The following SCMH1 variants were observed in gnomAD, a reference collection of about 807,000 sequenced individuals.
SCMH1 encodes the protein polycomb protein SCMH1.
SCMH1 carries 37 observed loss-of-function variants against 70.8 expected under a neutral mutation model. That is an observed-to-expected ratio of 0.52 (90% CI 0.40 to 0.69). SCMH1 has a LOEUF of 0.69. Among genes scored for constraint, SCMH1 ranks in the 30% least tolerant of loss-of-function variants. SCMH1 has a pLI of 0.00. For missense variants in SCMH1, 607 were observed against 827.3 expected (o/e 0.73, Z 3.27); for synonymous variants, 292 against 307.4 (o/e 0.95, Z 0.52).
chr1:41,083,163 T>C (rs1322627636), intron 8 of SCMH1, among the ~76,000 whole-genome samples: 2 of 152,090 alleles, frequency 1.3e-5, no homozygotes, highest in East Asian at 1.9e-4. Context: ...GGTATTTAAT[T>C]AGGAAAAGAG....
At chr1:41,146,480 C>A (rs1644582363) in intron 5 of SCMH1, among the ~76,000 whole-genome samples, 2 of 151,984 alleles carry the variant, frequency 1.3e-5, no homozygotes, top group Non-Finnish European at 2.9e-5. Flanking sequence ...TTCCAGTCCT[C>A]CAAGCTCCAT....
At chr1:41,222,292 G>A (rs1659451046) in intron 1 of SCMH1, among the ~76,000 whole-genome samples, 1 of 152,178 alleles carries the variant, frequency 6.6e-6, no homozygotes, top group Admixed American at 6.5e-5. Context: ...AAGTGACTTG[G>A]TGCTTTGCCA....
chr1:41,036,914 G>C (rs1263372839), intron 13 of SCMH1, among the ~76,000 whole-genome samples: 1 of 152,120 alleles, frequency 6.6e-6, no homozygotes, highest in Non-Finnish European at 1.5e-5. Flanking sequence ...TGAACACCAA[G>C]CTTGGGTTAG....
At chr1:41,139,073 C>A (rs533949094) in intron 6 of SCMH1, among the ~76,000 whole-genome samples, 1 of 152,224 alleles carries the variant, frequency 6.6e-6, no homozygotes, top group South Asian at 2.1e-4. Context: ...TTACCCCCTG[C>A]TGTCTTTTTT....
At chr1:41,158,985 G>A (rs1645798337) in intron 4 of SCMH1, among the ~76,000 whole-genome samples, 1 of 152,132 alleles carries the variant, frequency 6.6e-6, no homozygotes, top group Admixed American at 6.5e-5. Flanking sequence ...AATATGAAAT[G>A]AATTACGTGA....
At chr1:41,121,584 T>C (rs1282898155) in intron 6 of SCMH1, among the ~76,000 whole-genome samples, 1 of 152,180 alleles carries the variant, frequency 6.6e-6, no homozygotes, top group African/African-American at 2.4e-5. Context: ...AGCACCTCAG[T>C]GCTCAGTCAT....
intron 2 of SCMH1, among the ~76,000 whole-genome samples, chr1:41,176,847 C>T (rs1055316801): frequency 6.6e-6 from 1 of 152,212 alleles, no homozygotes; most frequent in African/African-American, 2.4e-5. Context: ...AAACAAAAGG[C>T]AGCAGAATCC....
At chr1:41,100,722 C>T (rs185059848) in intron 8 of SCMH1, among the ~76,000 whole-genome samples, 48 of 152,110 alleles carry the variant, frequency 3.2e-4, no homozygotes, top group Middle Eastern at 3.4e-3. Context: ...CCTGCCACCA[C>T]GCCCAGCTCA....
chr1:41,034,634 CT>C (rs1009720597), intron 13 of SCMH1, among the ~76,000 whole-genome samples: 1 of 152,066 alleles, frequency 6.6e-6, no homozygotes, highest in African/African-American at 2.4e-5. Context: ...GCCGAGGTGA[CT>C]TTTTTTCATT....
At chr1:41,230,523 T>C (rs1015345941) in intron 1 of SCMH1, among the ~76,000 whole-genome samples, 4 of 151,982 alleles carry the variant, frequency 2.6e-5, no homozygotes, top group African/African-American at 9.7e-5. Context: ...CTGGGTTCCA[T>C]AGCACACGCC....
intron 2 of SCMH1, 94 bp downstream of exon 2, chr1:41,186,027 G>A (rs1005735152): frequency 2.2e-6 from 3 of 1,366,084 alleles, no homozygotes; most frequent in African/African-American, 2.9e-5. Context: ...AGGATAACGA[G>A]TAGTCTAATT....
At chr1:41,100,643 G>A (rs1457466178) in intron 8 of SCMH1, among the ~76,000 whole-genome samples, 2 of 147,524 alleles carry the variant, frequency 1.4e-5, no homozygotes, top group Non-Finnish European at 3.0e-5. Context: ...TCGGCTCACT[G>A]CAACCTCTGC....
chr1:41,192,645 C>T (rs575175551), intron 1 of SCMH1, among the ~76,000 whole-genome samples: 1 of 152,062 alleles, frequency 6.6e-6, no homozygotes, highest in South Asian at 2.1e-4. Flanking sequence ...GCTGCAGGCC[C>T]GGAGTGTTTA....
intron 1 of SCMH1, among the ~76,000 whole-genome samples, chr1:41,211,680 G>A (rs770506202): frequency 9.9e-5 from 15 of 152,156 alleles, no homozygotes; most frequent in Non-Finnish European, 8.8e-5. Flanking sequence ...ATACCCAAAG[G>A]ATTATAAATC....
chr1:41,053,224 A>C (rs373520887), intron 10 of SCMH1, among the ~76,000 whole-genome samples: 29 of 152,126 alleles, frequency 1.9e-4, no homozygotes, highest in East Asian at 1.3e-3. Flanking sequence ...TAAAGGTAGA[A>C]ACTTTACCTC....
intron 1 of SCMH1, among the ~76,000 whole-genome samples, chr1:41,207,186 A>G (rs972989799): frequency 3.3e-5 from 5 of 152,208 alleles, no homozygotes; most frequent in Non-Finnish European, 7.3e-5. Flanking sequence ...TTCACACATA[A>G]CAGTATTAAC....
At chr1:41,185,044 T>A (rs112447236) in intron 2 of SCMH1, among the ~76,000 whole-genome samples, 12 of 152,322 alleles carry the variant, frequency 7.9e-5, no homozygotes, top group Admixed American at 2.0e-4. Context: ...ATATTATGGG[T>A]TTAAAGAGAG....
chr1:41,172,977 A>C (rs1403484711), intron 2 of SCMH1, among the ~76,000 whole-genome samples: 1 of 152,156 alleles, frequency 6.6e-6, no homozygotes, highest in East Asian at 1.9e-4. Context: ...TGAAACTATA[A>C]AACTACTAGA....
At chr1:41,123,007 C>T (rs1301310273) in intron 6 of SCMH1, among the ~76,000 whole-genome samples, 3 of 152,072 alleles carry the variant, frequency 2.0e-5, no homozygotes, top group Non-Finnish European at 4.4e-5. Flanking sequence ...ATCACTTCAG[C>T]CCAAAATTTA....
Sources: gnomAD v4.1 joint callset for allele counts (sites outside exome capture counted in the v4.1 genomes callset) on GRCh38, gnomAD v4.1.1 for gene constraint, MANE v1.5 for transcripts, NCBI Gene and HGNC (gene_info 2026-07-23, HGNC 2026-07-21) for gene names.